The following NCALD variants were observed in gnomAD, a reference collection of about 807,000 sequenced individuals.
NCALD encodes the protein neurocalcin-delta.
A neutral mutation model predicts 18.6 loss-of-function variants in NCALD; 10 were observed. The observed-to-expected ratio is 0.54, with a 90% CI of 0.33 to 0.91. The LOEUF is 0.91. Among genes scored for constraint, NCALD ranks in the 40% least tolerant of loss-of-function variants. The pLI is 0.03. For missense variants in NCALD, 184 were observed against 247.6 expected (o/e 0.74, Z 1.72); for synonymous variants, 88 against 87.4 (o/e 1.01, Z -0.04).
At chr8:101,774,576 AAAAG>A in intron 1 of NCALD, among the ~76,000 whole-genome samples, 1 of 152,360 alleles carries the variant, frequency 6.6e-6, no homozygotes, top group African/African-American at 2.4e-5. Flanking sequence ...TAGAAAGAGC[AAAAG>A]AAAGAGACAT....
At chr8:102,097,879 T>C (rs1825154746) in intron 1 of NCALD, among the ~76,000 whole-genome samples, 1 of 152,168 alleles carries the variant, frequency 6.6e-6, no homozygotes, top group African/African-American at 2.4e-5. Flanking sequence ...CCTTGAACTC[T>C]CCCACCCTCA....
At chr8:101,791,928 C>G (rs779995472), upstream of NCALD, among the ~76,000 whole-genome samples, 8 of 152,144 alleles carry the variant, frequency 5.3e-5, no homozygotes, top group Admixed American at 2.0e-4. Flanking sequence ...ATTTCCTTTA[C>G]GACGACCCTA....
chr8:101,848,465 C>T (rs530298995), intron 4 of NCALD, among the ~76,000 whole-genome samples: 16 of 152,128 alleles, frequency 1.1e-4, no homozygotes, highest in Non-Finnish European at 1.6e-4. Context: ...TGTTGGACCC[C>T]TCAGAAGATC....
chr8:102,029,060 G>A (rs1430332473), intron 1 of NCALD: 3 of 152,188 alleles, frequency 2.0e-5, no homozygotes, highest in African/African-American at 4.8e-5. Flanking sequence ...GAAGGACTTC[G>A]TGGAGGAGGA....
intron 1 of NCALD, among the ~76,000 whole-genome samples, chr8:101,723,726 G>A (rs1167588296): frequency 1.3e-5 from 2 of 151,946 alleles, no homozygotes; most frequent in East Asian, 1.9e-4. Context: ...TTTTAATCAC[G>A]GGAATGGCCT....
In NCALD at chr8:101,718,551, G is replaced by A. The variant is rs138268867; in HGVS notation, c.378+701C>T. ...ACTAAATGTTCCTCCCTGCCTCAGCGTCTGCATCTTCATCAGTACTGATCA... is the reference window on the plus strand; with the variant it reads ...ACTAAATGTTCCTCCCTGCCTCAGCATCTGCATCTTCATCAGTACTGATCA... On this transcript the variant is annotated intron_variant, in intron 2 of 3. Transcript: ENST00000220931. Among the ~76,000 whole-genome samples, 246 of 152,230 alleles carry A rather than the reference G, an allele frequency of 1.6e-3. 1 individual carries two copies. Among genetic ancestry groups the A allele is most frequent in the African/African-American group, 5.5e-3 (230 of 41,518 alleles).
At chr8:101,911,755 C>T (rs543646601) in intron 3 of NCALD, among the ~76,000 whole-genome samples, 1 of 152,292 alleles carries the variant, frequency 6.6e-6, no homozygotes, top group African/African-American at 2.4e-5. Flanking sequence ...TACCTGCTTT[C>T]TTCATGGTGG....
At chr8:101,921,297 T>G (rs1432379574) in intron 2 of NCALD, among the ~76,000 whole-genome samples, 1 of 152,016 alleles carries the variant, frequency 6.6e-6, no homozygotes, top group Admixed American at 6.6e-5. Flanking sequence ...ATTGAATTCT[T>G]AAATATCAAA....
intron 1 of NCALD, among the ~76,000 whole-genome samples, chr8:102,029,445 T>C (rs1822586864): frequency 6.6e-6 from 1 of 152,078 alleles, no homozygotes; most frequent in African/African-American, 2.4e-5. Context: ...TAAGTGAAAA[T>C]CGATATTACC....
chr8:101,733,170 T>A (rs948737333), intron 1 of NCALD, among the ~76,000 whole-genome samples: 4 of 152,236 alleles, frequency 2.6e-5, no homozygotes, highest in Non-Finnish European at 4.4e-5. Context: ...GCTAAAAGTA[T>A]TAATGTTTGT....
chr8:101,841,779 A>G (rs1814652654), intron 4 of NCALD, among the ~76,000 whole-genome samples: 1 of 152,154 alleles, frequency 6.6e-6, no homozygotes, highest in Non-Finnish European at 1.5e-5. Context: ...GTTGGTTTAC[A>G]TATGAGCATG....
At position 102,100,853 on chromosome 8, in the gene NCALD, A is replaced by T. The variant is rs576187126; in HGVS notation, c.-210+23384T>A. On this transcript the variant is annotated intron_variant, in intron 1 of 6. Transcript: ENST00000311028. ...TTTATATGAGGTGCCTAGAGTAGTC[A>T]AATTCATAGAGCAGAACGGTGGTCG... 2.0e-5 allele frequency among the ~76,000 whole-genome samples: 3 copies of T among 152,316 alleles called. No homozygotes were observed. In the South Asian group the frequency reaches 6.2e-4, roughly 32 times the overall value.
intron 2 of NCALD, among the ~76,000 whole-genome samples, chr8:101,948,085 A>C (rs1453531588): frequency 2.6e-5 from 4 of 152,262 alleles, no homozygotes; most frequent in Non-Finnish European, 5.9e-5. Flanking sequence ...AGTTCTAAGC[A>C]GGAAAATATG....
chr8:101,792,895 T>TA (rs1033472065), upstream of NCALD, among the ~76,000 whole-genome samples: 8,089 of 136,396 alleles, frequency 0.059, 509 homozygotes, highest in African/African-American at 0.17. Flanking sequence ...TTCTCAGTTC[T>TA]AAAAAAAAAA....
chr8:101,880,183 C>T (rs975753996), intron 4 of NCALD, among the ~76,000 whole-genome samples: 1 of 152,176 alleles, frequency 6.6e-6, no homozygotes, highest in Admixed American at 6.5e-5. Flanking sequence ...TCGAGAGCAG[C>T]GCTGGTGGGC....
At chr8:101,909,647 T>C (rs1056884614) in intron 3 of NCALD, among the ~76,000 whole-genome samples, 3 of 152,172 alleles carry the variant, frequency 2.0e-5, no homozygotes, top group South Asian at 4.1e-4. Flanking sequence ...ATAAAGAAAA[T>C]GAGCCTCTGA....
intron 1 of NCALD, among the ~76,000 whole-genome samples, chr8:102,057,523 T>C (rs375205197): frequency 1.3e-5 from 2 of 152,212 alleles, no homozygotes; most frequent in South Asian, 4.1e-4. Flanking sequence ...AAATATATAT[T>C]GCTAAAATTT....
At chr8:102,044,467 G>C (rs972145566) in intron 1 of NCALD, among the ~76,000 whole-genome samples, 1 of 149,594 alleles carries the variant, frequency 6.7e-6, no homozygotes, top group African/African-American at 2.5e-5. Flanking sequence ...GAGATGGTAT[G>C]ACACTATTGA....
At chr8:102,102,195 A>C (rs542598610) in intron 1 of NCALD, among the ~76,000 whole-genome samples, 19 of 152,348 alleles carry the variant, frequency 1.2e-4, no homozygotes, top group Middle Eastern at 3.4e-3. Flanking sequence ...GCACCTTTTC[A>C]ATGCTCAGAA....
Sources: allele counts gnomAD v4.1 joint callset (sites outside exome capture counted in the v4.1 genomes callset), GRCh38; gene constraint gnomAD v4.1.1; transcripts MANE v1.5; gene names NCBI Gene and HGNC (gene_info 2026-07-23, HGNC 2026-07-21).